Variants in ADGRB3 observed in about 807,000 individuals in gnomAD.
ADGRB3 encodes brain-specific angiogenesis inhibitor 3.
ADGRB3 carries 37 observed loss-of-function variants against 193.4 expected under a neutral mutation model. The observed-to-expected ratio is 0.19, with a 90% CI of 0.15 to 0.25. The LOEUF (loss-of-function observed/expected upper bound fraction) is 0.25. ADGRB3 is among the 10% of genes least tolerant of loss of function. ADGRB3 has a pLI of 1.00. For synonymous variants in ADGRB3, 690 were observed against 644.2 expected (o/e 1.07, Z -1.08); for missense variants, 1,637 against 1,852.9 (o/e 0.88, Z 2.14).
At chr6:68,666,266 G>A (rs1168668647) in intron 3 of ADGRB3, among the ~76,000 whole-genome samples, 1 of 151,894 alleles carries the variant, frequency 6.6e-6, no homozygotes, top group African/African-American at 2.4e-5. Flanking sequence ...CTGCCACTCA[G>A]AATTAGCTCA....
chr6:69,243,145 G>A (rs543127558), intron 20 of ADGRB3, among the ~76,000 whole-genome samples: 1 of 151,718 alleles, frequency 6.6e-6, no homozygotes, highest in Non-Finnish European at 1.5e-5. Flanking sequence ...GTTAGATAAG[G>A]ATAACCACCC....
At chr6:69,215,304 G>A (rs1209604702) in intron 17 of ADGRB3, among the ~76,000 whole-genome samples, 1 of 151,912 alleles carries the variant, frequency 6.6e-6, no homozygotes, top group Non-Finnish European at 1.5e-5. Context: ...CTGAGTGAAG[G>A]GGATATCTGT....
At position 68,813,825 on chromosome 6, in the gene ADGRB3, C is replaced by T. The variant is rs924069074; in HGVS notation, c.758-116734C>T. Among the ~76,000 whole-genome samples, 7 of 151,992 alleles carry T rather than the reference C, an allele frequency of 4.6e-5. No individual in the cohort carries two copies. In the East Asian group the frequency reaches 5.8e-4, roughly 13 times the overall value. ...TGCAGTGTTTGGTTTTTTGTCCTTGCGATAGTTTGCTGAGAATGATGGTTT... is the reference window on the plus strand; with the variant it reads ...TGCAGTGTTTGGTTTTTTGTCCTTGTGATAGTTTGCTGAGAATGATGGTTT... On this transcript the variant is annotated intron_variant, in intron 3 of 31. Transcript: ENST00000370598.
chr6:69,068,145 T>C (rs1035675840), intron 16 of ADGRB3, among the ~76,000 whole-genome samples: 1 of 152,136 alleles, frequency 6.6e-6, no homozygotes. Context: ...TCAACCCCTG[T>C]GTGATACGCA....
intron 17 of ADGRB3, among the ~76,000 whole-genome samples, chr6:69,171,003 AT>A (rs1394520829): frequency 1.3e-5 from 2 of 152,222 alleles, no homozygotes; most frequent in Non-Finnish European, 2.9e-5. Flanking sequence ...GAAAAAAGTT[AT>A]TTTAAAATTT....
chr6:69,133,258 A>G (rs1223301783), intron 17 of ADGRB3, among the ~76,000 whole-genome samples: 1 of 152,176 alleles, frequency 6.6e-6, no homozygotes, highest in Non-Finnish European at 1.5e-5. Flanking sequence ...ATCCATGAGC[A>G]TGGAATGTTT....
intron 24 of ADGRB3, among the ~76,000 whole-genome samples, chr6:69,333,628 T>C (rs1034863223): frequency 1.3e-5 from 2 of 151,414 alleles, no homozygotes; most frequent in Non-Finnish European, 2.9e-5. Context: ...TTATAATATA[T>C]AAATATCTGA....
intron 3 of ADGRB3, among the ~76,000 whole-genome samples, chr6:68,848,171 A>T (rs1768320624): frequency 6.6e-6 from 1 of 152,122 alleles, no homozygotes; most frequent in Non-Finnish European, 1.5e-5. Flanking sequence ...AGAAATTGTG[A>T]CTATTAAAAA....
At chr6:69,163,127 A>G (rs1321879895) in intron 17 of ADGRB3, among the ~76,000 whole-genome samples, 1 of 152,078 alleles carries the variant, frequency 6.6e-6, no homozygotes, top group Non-Finnish European at 1.5e-5. Context: ...AACATGTTAT[A>G]AATTCTCTTA....
chr6:69,106,691 T>C (rs752224919), intron 17 of ADGRB3, among the ~76,000 whole-genome samples: 2 of 152,222 alleles, frequency 1.3e-5, no homozygotes, highest in Non-Finnish European at 2.9e-5. Context: ...CCAAGGGACT[T>C]GTGTAAAGGA....
chr6:68,646,062 C>G (rs1196570610), intron 3 of ADGRB3, among the ~76,000 whole-genome samples: 1 of 152,148 alleles, frequency 6.6e-6, no homozygotes, highest in South Asian at 2.1e-4. Context: ...CTATTTCAGA[C>G]ATATCTATAT....
chr6:68,946,363 A>C (rs577188577), intron 6 of ADGRB3, among the ~76,000 whole-genome samples: 1 of 152,116 alleles, frequency 6.6e-6, no homozygotes, highest in African/African-American at 2.4e-5. Context: ...ATGAGATGTA[A>C]GGCACTGCTG....
At chr6:68,780,507 A>C (rs897526685) in intron 3 of ADGRB3, among the ~76,000 whole-genome samples, 2 of 152,050 alleles carry the variant, frequency 1.3e-5, no homozygotes, top group African/African-American at 4.8e-5. Flanking sequence ...ATTACAATCA[A>C]TCCAATGCAT....
chr6:68,887,701 A>T (rs975817683), intron 3 of ADGRB3, among the ~76,000 whole-genome samples: 1 of 152,162 alleles, frequency 6.6e-6, no homozygotes, highest in Non-Finnish European at 1.5e-5. Context: ...ATTTATCAAC[A>T]TTGTCTTATG....
At chr6:69,137,508 T>C (rs1277974419) in intron 17 of ADGRB3, among the ~76,000 whole-genome samples, 2 of 151,976 alleles carry the variant, frequency 1.3e-5, no homozygotes, top group African/African-American at 2.4e-5. Flanking sequence ...CTGTAAGAAA[T>C]AGCCCCTTGT....
Position 69,315,113 on chromosome 6 carries a change from T to TA in ADGRB3, c.2815-9758dup, listed in dbSNP as rs1249751154. On this transcript the variant is annotated intron_variant, in intron 20 of 31. Transcript: ENST00000370598. ...ATTTATTTGTCACACACATACTTTT[T>TA]ATTTGAAAAAGAATAACAGTACTGT... Among the ~76,000 whole-genome samples the TA allele has an allele frequency of 5.3e-5, 8 of 151,560 alleles. No homozygotes were observed. In the Admixed American group the frequency reaches 5.3e-4, roughly 10 times the overall value.
intron 28 of ADGRB3, among the ~76,000 whole-genome samples, chr6:69,359,983 A>C (rs1769417953): frequency 6.6e-6 from 1 of 151,852 alleles, no homozygotes; most frequent in African/African-American, 2.4e-5. Context: ...TACAGAGGCA[A>C]AAAGAGAAAA....
intron 17 of ADGRB3, among the ~76,000 whole-genome samples, chr6:69,122,997 TGA>T (rs1491501971): frequency 2.4e-4 from 36 of 150,556 alleles, no homozygotes; most frequent in Non-Finnish European, 4.1e-4. Context: ...CACATACGTG[TGA>T]GTGTGTGTGT....
At chr6:69,372,171 T>C (rs1321373562) in intron 29 of ADGRB3, among the ~76,000 whole-genome samples, 2 of 152,094 alleles carry the variant, frequency 1.3e-5, no homozygotes, top group Non-Finnish European at 2.9e-5. Flanking sequence ...TGTATTTTTA[T>C]ATTCTCCAAT....
Sources: allele counts gnomAD v4.1 joint callset (sites outside exome capture counted in the v4.1 genomes callset), GRCh38; gene constraint gnomAD v4.1.1; transcripts MANE v1.5; gene names NCBI Gene and HGNC (gene_info 2026-07-23, HGNC 2026-07-21).